Variants in NWD2 observed in about 807,000 individuals in gnomAD.
NWD2 encodes NACHT and WD repeat domain-containing protein 2.
NWD2 carries 37 observed loss-of-function variants against 132.7 expected under a neutral mutation model. The ratio of observed to expected loss-of-function variants is 0.28; its 90% confidence interval spans 0.21 to 0.37. The LOEUF (loss-of-function observed/expected upper bound fraction) is 0.37. Ranked by LOEUF, NWD2 falls within the 10% of genes least tolerant of loss-of-function variation. NWD2 has a pLI of 1.00. For missense variants in NWD2, 1,592 were observed against 2,122.4 expected, an observed-to-expected ratio of 0.75 and a Z score of 4.91; for synonymous variants, 705 against 803.0, an observed-to-expected ratio of 0.88 and a Z score of 2.06.
chr4:37,330,140 AGT>A (rs1719261881), intron 2 of NWD2, among the ~76,000 whole-genome samples: 1 of 152,200 alleles, frequency 6.6e-6, no homozygotes, highest in South Asian at 2.1e-4. Context: ...GCTATTTTGT[AGT>A]GTTTTCCTTA....
intron 5 of NWD2, among the ~76,000 whole-genome samples, chr4:37,438,263 CA>C (rs58024420): frequency 0.22 from 21,330 of 99,016 alleles, 1,820 homozygotes; most frequent in South Asian, 0.28. Context: ...TCCGTCTAAA[CA>C]AAAAAAAAAA....
intron 1 of NWD2, among the ~76,000 whole-genome samples, chr4:37,324,665 T>A (rs1160171141): frequency 2.0e-5 from 3 of 152,144 alleles, no homozygotes; most frequent in African/African-American, 4.8e-5. Flanking sequence ...CTATATTGAA[T>A]CTAAGGCTGG....
intron 3 of NWD2, among the ~76,000 whole-genome samples, chr4:37,403,043 G>A (rs577488058): frequency 1.3e-5 from 2 of 152,084 alleles, no homozygotes; most frequent in Non-Finnish European, 2.9e-5. Flanking sequence ...TAATCTTTTT[G>A]TGGAGTCACC....
intron 1 of NWD2, among the ~76,000 whole-genome samples, chr4:37,284,329 G>T (rs1180602133): frequency 1.3e-5 from 2 of 152,150 alleles, no homozygotes; most frequent in East Asian, 1.9e-4. Context: ...CTTCCCAAAA[G>T]CCTCTCCCTC....
chr4:37,260,006 A>T (rs1717596456), intron 1 of NWD2, among the ~76,000 whole-genome samples: 1 of 152,214 alleles, frequency 6.6e-6, no homozygotes, highest in Admixed American at 6.5e-5. Context: ...TTTGGGGACA[A>T]GTTAGGAACC....
intron 1 of NWD2, among the ~76,000 whole-genome samples, chr4:37,299,833 T>C (rs548485705): frequency 6.6e-6 from 1 of 152,288 alleles, no homozygotes; most frequent in East Asian, 1.9e-4. Flanking sequence ...TATGTTCTTC[T>C]GTATATATGC....
At chr4:37,323,094 G>A (rs1719101219) in intron 1 of NWD2, among the ~76,000 whole-genome samples, 1 of 151,998 alleles carries the variant, frequency 6.6e-6, no homozygotes, top group African/African-American at 2.4e-5. Flanking sequence ...TGGTTTCTTT[G>A]CCTAAAAAAC....
intron 2 of NWD2, among the ~76,000 whole-genome samples, chr4:37,348,895 C>T (rs558259974): frequency 6.6e-6 from 1 of 151,494 alleles, no homozygotes; most frequent in South Asian, 2.1e-4. Context: ...CATGTGTTCT[C>T]ATTGTTAAAC....
chr4:37,258,968 G>C (rs1282721180), intron 1 of NWD2, among the ~76,000 whole-genome samples: 1 of 152,178 alleles, frequency 6.6e-6, no homozygotes, highest in Non-Finnish European at 1.5e-5. Flanking sequence ...CAGTGGGTGG[G>C]TAAGCACAGG....
At chr4:37,270,068 T>C (rs1354553998) in intron 1 of NWD2, among the ~76,000 whole-genome samples, 4 of 151,776 alleles carry the variant, frequency 2.6e-5, no homozygotes, top group Non-Finnish European at 5.9e-5. Context: ...CTCTGAAGAG[T>C]ACTGAAATTG....
chr4:37,346,407 T>C (rs989783907), intron 2 of NWD2, among the ~76,000 whole-genome samples: 2 of 152,228 alleles, frequency 1.3e-5, no homozygotes, highest in Non-Finnish European at 1.5e-5. Context: ...ACTGTCTTAA[T>C]TATTGTGGTT....
At chr4:37,375,638 G>C (rs1428947362) in intron 3 of NWD2, among the ~76,000 whole-genome samples, 1 of 149,532 alleles carries the variant, frequency 6.7e-6, no homozygotes, top group African/African-American at 2.5e-5. Context: ...GGGCGATCTC[G>C]GCTCACTGCA....
At chr4:37,269,680 C>A (rs1300879909) in intron 1 of NWD2, among the ~76,000 whole-genome samples, 1 of 151,810 alleles carries the variant, frequency 6.6e-6, no homozygotes, top group African/African-American at 2.4e-5. Flanking sequence ...TCATTCTTAT[C>A]CATAATTTGT....
intron 2 of NWD2, among the ~76,000 whole-genome samples, chr4:37,336,867 A>G (rs1719416483): frequency 6.9e-6 from 1 of 145,422 alleles, no homozygotes; most frequent in East Asian, 2.2e-4. Flanking sequence ...TGAAACTGGA[A>G]GGCGGAGGTT....
chr4:37,397,579 C>A (rs1270948431), intron 3 of NWD2, among the ~76,000 whole-genome samples: 2 of 152,142 alleles, frequency 1.3e-5, no homozygotes, highest in African/African-American at 4.8e-5. Context: ...CCTGCAGAGT[C>A]GGACTTGCCA....
In NWD2 at chr4:37,245,026, G is replaced by A. The variant is rs1470887326; in HGVS notation, c.-42G>A. 2 of 1,539,930 alleles carry A rather than the reference G, an allele frequency of 1.3e-6. No homozygotes were observed. Among genetic ancestry groups the A allele is most frequent in the African/African-American group, 1.4e-5 (1 of 72,828 alleles). ...GCTGCGGGCAGGAACCCGAGGAGCA[G>A]GAGGTGGCGGCGGCGGCAGTGGCTG... On this transcript the variant is annotated 5_prime_UTR_variant, in exon 1 of 7. Transcript: ENST00000309447.
At chr4:37,379,657 A>G (rs563445772) in intron 3 of NWD2, among the ~76,000 whole-genome samples, 2 of 152,310 alleles carry the variant, frequency 1.3e-5, no homozygotes, top group East Asian at 3.9e-4. Context: ...AAGTAGTCCC[A>G]ACCCGAGGCC....
chr4:37,299,622 C>G (rs1718569857), intron 1 of NWD2, among the ~76,000 whole-genome samples: 1 of 152,088 alleles, frequency 6.6e-6, no homozygotes, highest in African/African-American at 2.4e-5. Flanking sequence ...TCCTTTGATT[C>G]TTTAACACCT....
chr4:37,375,548 G>A (rs1029030448), intron 3 of NWD2, among the ~76,000 whole-genome samples: 6 of 150,168 alleles, frequency 4.0e-5, no homozygotes, highest in Non-Finnish European at 5.9e-5. Context: ...AACTTAGGAG[G>A]TCTTATTCTG....
Sources: allele counts gnomAD v4.1 joint callset (sites outside exome capture counted in the v4.1 genomes callset), GRCh38; gene constraint gnomAD v4.1.1; transcripts MANE v1.5; gene names NCBI Gene and HGNC (gene_info 2026-07-23, HGNC 2026-07-21).